TRMT11: variants seen among roughly 807,000 people sequenced by gnomAD.
TRMT11 encodes tRNA methyltransferase 11.
Under a neutral mutation model 62.8 loss-of-function variants are expected in TRMT11, and 53 were observed. That is an observed-to-expected ratio of 0.84 (90% CI 0.68 to 1.06). The LOEUF (loss-of-function observed/expected upper bound fraction) is 1.06. Among genes scored for constraint, TRMT11 ranks in the 50% least tolerant of loss-of-function variants. The pLI is 0.00. For synonymous variants in TRMT11, 188 were observed against 190.3 expected, an observed-to-expected ratio of 0.99 and a Z score of 0.10; for missense variants, 556 against 553.4, an observed-to-expected ratio of 1.00 and a Z score of -0.05.
At chr6:126,088,426 A>C (rs1200181567) in intron 17 of TRMT11, among the ~76,000 whole-genome samples, 1 of 152,236 alleles carries the variant, frequency 6.6e-6, no homozygotes, top group Non-Finnish European at 1.5e-5. Context: ...TACTTAGACC[A>C]ATCTACCAGC....
At chr6:126,215,677 A>G in the TRMT11 span, among the ~76,000 whole-genome samples, 2 of 151,758 alleles carry the variant, frequency 1.3e-5, no homozygotes, top group East Asian at 1.9e-4. Context: ...AGCTTAGTTC[A>G]TTAGTGAAGG....
rs762636171 is a variant in TRMT11, at chr6:126,001,592, A to G, written c.679+1979A>G. Among the ~76,000 whole-genome samples the G allele has an allele frequency of 5.3e-5, 8 of 152,200 alleles. No individual in the cohort carries two copies. In the South Asian group the frequency reaches 6.2e-4, roughly 12 times the overall value. On this transcript the variant is annotated intron_variant, in intron 7 of 12. Coordinates refer to ENST00000334379, the MANE Select transcript of TRMT11 (RefSeq NM_001031712.3). The stretch of plus-strand genomic sequence containing the variant: ...TCTGTTCATAATCATAAACAGTACA[A>G]TTACTGGTGGTTTTATTTTATTTTA...
chr6:126,044,208 A>G (rs957625729), downstream of TRMT11, among the ~76,000 whole-genome samples: 1 of 152,198 alleles, frequency 6.6e-6, no homozygotes, highest in Admixed American at 6.5e-5. Flanking sequence ...TAAGTCTTTA[A>G]TCCATCTTGA....
intron 1 of TRMT11, among the ~76,000 whole-genome samples, chr6:126,192,088 A>G (rs778185769): frequency 2.6e-5 from 4 of 152,130 alleles, no homozygotes; most frequent in Non-Finnish European, 5.9e-5. Context: ...AACACAGGAT[A>G]TCTTTCCATA....
Position 126,008,406 on chromosome 6 carries a change from G to A in TRMT11, c.694G>A (p.Ala232Thr), listed in dbSNP as rs9491553. The A allele has an allele frequency of 1.2e-6, 2 of 1,613,060 alleles. No homozygotes were observed. The highest frequency in any genetic ancestry group is 1.7e-6 in the Non-Finnish European group (2 of 1,179,192). ...TGATTTTTCAGGTGGCCTGCTGATAGCATGTGCTCATTTTGGTGCATATGT... is the reference window on the plus strand; with the variant it reads ...TGATTTTTCAGGTGGCCTGCTGATAACATGTGCTCATTTTGGTGCATATGT... Reference protein sequence around the residue: ...PFVGTGGLLIACAHFGAYVYG... With the variant: ...PFVGTGGLLITCAHFGAYVYG... The change falls in exon 8 of 13, where the codon GCA becomes ACA. Residue 232 changes from alanine (A) to threonine (T), a missense_variant. Ala to Thr is a moderately conservative substitution (Grantham distance 58). Transcript: ENST00000334379.
At chr6:126,170,548 TG>T in intron 21 of TRMT11, among the ~76,000 whole-genome samples, 1 of 152,252 alleles carries the variant, frequency 6.6e-6, no homozygotes, top group African/African-American at 2.4e-5. Context: ...AGTCTCTGTC[TG>T]GGTCTCATTT....
chr6:126,141,427 C>T (rs145936123), intron 21 of TRMT11, among the ~76,000 whole-genome samples: 14 of 152,184 alleles, frequency 9.2e-5, no homozygotes, highest in African/African-American at 2.4e-4. Context: ...TGTTGTCTTA[C>T]TGTAATTGTA....
chr6:126,031,211 T>C (rs540258951), intron 12 of TRMT11, among the ~76,000 whole-genome samples: 93 of 152,296 alleles, frequency 6.1e-4, no homozygotes, highest in African/African-American at 2.2e-3. Flanking sequence ...TTAGAAAAGG[T>C]ACTATGAGAA....
chr6:126,210,906 A>G, the TRMT11 span, among the ~76,000 whole-genome samples: 2 of 151,168 alleles, frequency 1.3e-5, no homozygotes, highest in African/African-American at 4.9e-5. Flanking sequence ...AGTCTGGTTT[A>G]CTCATCTACT....
rs1792604256 is a variant in TRMT11 at position 126,002,156 on chromosome 6, C to A, written c.679+2543C>A. Among the ~76,000 whole-genome samples the A allele has an allele frequency of 3.9e-5, 6 of 152,114 alleles. No homozygotes were observed. In the South Asian group the frequency reaches 1.2e-3, roughly 31 times the overall value. On this transcript the variant is annotated intron_variant, in intron 7 of 12. Transcript: ENST00000334379. ...GGGAAATGAAATCTGGATTATAGAT[C>A]CTTTCAGTGGACAAACTAGAAAATA...
the TRMT11 span, among the ~76,000 whole-genome samples, chr6:126,215,186 A>G: frequency 6.6e-6 from 1 of 152,006 alleles, no homozygotes. Context: ...AATGTTCTGG[A>G]AATATCTATT....
At chr6:126,063,343 T>C (rs943708763) in intron 17 of TRMT11, among the ~76,000 whole-genome samples, 1 of 152,202 alleles carries the variant, frequency 6.6e-6, no homozygotes. Flanking sequence ...TATACCATGT[T>C]GTACCATGCA....
chr6:126,039,572 A>T (rs951652438), downstream of TRMT11, among the ~76,000 whole-genome samples: 1 of 152,102 alleles, frequency 6.6e-6, no homozygotes, highest in African/African-American at 2.4e-5. Context: ...CAAATGCTTG[A>T]TGGTTCCTTA....
intron 21 of TRMT11, among the ~76,000 whole-genome samples, chr6:126,136,030 A>G (rs1026411930): frequency 2.0e-5 from 3 of 151,848 alleles, no homozygotes; most frequent in Non-Finnish European, 4.4e-5. Flanking sequence ...AGTTAAAATC[A>G]TACAGAAAGA....
intron 7 of TRMT11, among the ~76,000 whole-genome samples, chr6:126,000,673 G>C (rs1792322696): frequency 6.6e-6 from 1 of 152,056 alleles, no homozygotes; most frequent in Admixed American, 6.6e-5. Context: ...CTAACTTAAG[G>C]AATATGACCA....
At chr6:126,131,715 T>A (rs1441977703) in intron 21 of TRMT11, among the ~76,000 whole-genome samples, 1 of 152,064 alleles carries the variant, frequency 6.6e-6, no homozygotes, top group Non-Finnish European at 1.5e-5. Flanking sequence ...ATTTATATAA[T>A]TTTTTTAGAC....
chr6:126,165,932 G>A (rs1250991147), intron 21 of TRMT11, among the ~76,000 whole-genome samples: 1 of 152,092 alleles, frequency 6.6e-6, no homozygotes, highest in African/African-American at 2.4e-5. Context: ...TCAAATGTAG[G>A]TTTGGTCTTT....
chr6:126,052,265 G>T (rs1383720151), intron 16 of TRMT11, among the ~76,000 whole-genome samples: 2 of 152,130 alleles, frequency 1.3e-5, no homozygotes, highest in African/African-American at 4.8e-5. Flanking sequence ...GTTGTTAGTT[G>T]TCTCTAAGAA....
chr6:126,246,937 C>T, the TRMT11 span, among the ~76,000 whole-genome samples: 1 of 152,140 alleles, frequency 6.6e-6, no homozygotes, highest in South Asian at 2.1e-4. Context: ...GAAGCAGGAG[C>T]GCAGCCTACA....
Sources: gnomAD v4.1 joint callset for allele counts (sites outside exome capture counted in the v4.1 genomes callset) on GRCh38, gnomAD v4.1.1 for gene constraint, MANE v1.5 for transcripts, NCBI Gene and HGNC (gene_info 2026-07-23, HGNC 2026-07-21) for gene names.